The following SEMA4D variants were observed in gnomAD, a reference collection of about 807,000 sequenced individuals.
The protein encoded by SEMA4D is semaphorin-4D.
Under a neutral mutation model 74.8 loss-of-function variants are expected in SEMA4D, and 22 were observed. The ratio of observed to expected loss-of-function variants is 0.29; its 90% CI spans 0.21 to 0.42. SEMA4D has a LOEUF of 0.42. Among genes scored for constraint, SEMA4D ranks in the 10% least tolerant of loss-of-function variants. The pLI is 1.00. For synonymous variants in SEMA4D, 445 were observed against 463.7 expected (o/e 0.96, Z 0.52); for missense variants, 937 against 1,118.4 (o/e 0.84, Z 2.31).
At chr9:89,409,320 A>G (rs1416740054) in intron 2 of SEMA4D, among the ~76,000 whole-genome samples, 1 of 152,136 alleles carries the variant, frequency 6.6e-6, no homozygotes, top group East Asian at 1.9e-4. Flanking sequence ...CAGGGATACT[A>G]CCACGGTGGA....
chr9:89,474,277 G>A (rs145201610), intron 1 of SEMA4D, among the ~76,000 whole-genome samples: 4 of 152,292 alleles, frequency 2.6e-5, no homozygotes, highest in Non-Finnish European at 4.4e-5. Flanking sequence ...CCTGTGCATC[G>A]CAAGCATTTT....
intron 3 of SEMA4D, among the ~76,000 whole-genome samples, chr9:89,403,259 C>G (rs1468461693): frequency 6.6e-6 from 1 of 152,212 alleles, no homozygotes; most frequent in African/African-American, 2.4e-5. Flanking sequence ...CCCTAGAGCT[C>G]AAGCCCGGAG....
chr9:89,452,022 G>C (rs7853191), intron 2 of SEMA4D, among the ~76,000 whole-genome samples: 146,320 of 152,142 alleles, frequency 0.96, 70,576 homozygotes, highest in Non-Finnish European at 1. Context: ...CAGTACCACC[G>C]ACACAGCCAC....
chr9:89,496,448 C>A (rs1343009915), intron 1 of SEMA4D, among the ~76,000 whole-genome samples: 1 of 152,164 alleles, frequency 6.6e-6, no homozygotes, highest in Non-Finnish European at 1.5e-5. Flanking sequence ...TGATGTGTTT[C>A]TATTTCTTTG....
intron 2 of SEMA4D, among the ~76,000 whole-genome samples, chr9:89,445,783 C>T (rs1852672257): frequency 6.6e-6 from 1 of 152,106 alleles, no homozygotes; most frequent in African/African-American, 2.4e-5. Context: ...TTGGGTGAGG[C>T]CAACTCACTC....
At chr9:89,445,767 G>A (rs1372204475) in intron 2 of SEMA4D, among the ~76,000 whole-genome samples, 5 of 152,106 alleles carry the variant, frequency 3.3e-5, no homozygotes, top group African/African-American at 1.2e-4. Flanking sequence ...TAAGGCCTTC[G>A]ACAGATTGGG....
At chr9:89,370,838 GGTGTGTCGGGC>G (rs1834500426) in intron 16 of SEMA4D, among the ~76,000 whole-genome samples, 1 of 145,278 alleles carries the variant, frequency 6.9e-6, no homozygotes, top group East Asian at 2.1e-4. Flanking sequence ...TCTGGGGTGC[GGTGTGTCGGGC>G]GTGTGTGTGT....
intron 16 of SEMA4D, among the ~76,000 whole-genome samples, chr9:89,371,393 TGTG>T (rs1231154819): frequency 3.3e-5 from 3 of 90,080 alleles, no homozygotes; most frequent in Non-Finnish European, 6.5e-5. Context: ...GTGTCTGGGG[TGTG>T]GTGTGTGTCT....
rs111818272 is a variant in SEMA4D, at chr9:89,484,988, T to TTGTGTGTG, written c.-310+12923_-310+12930dup. Among the ~76,000 whole-genome samples the TTGTGTGTG allele has an allele frequency of 4.5e-4, 68 of 149,820 alleles. No homozygotes were observed. Among genetic ancestry groups the TTGTGTGTG allele is most frequent in the African/African-American group, 1.5e-3 (63 of 40,718 alleles). ...GGTGGAGGCATATGTGTGTAGTATGTTGTGTGTGTGTGTGTGTGTGTGTTC... is the reference window on the plus strand; with the variant it reads ...GGTGGAGGCATATGTGTGTAGTATGTTGTGTGTGTGTGTGTGTGTGTGTGTGTGTGTTC... On this transcript the variant is annotated intron_variant, in intron 1 of 15. Coordinates refer to ENST00000422704, the MANE Select transcript of SEMA4D (RefSeq NM_001371194.2). This position sits in a 1 kb window ranked among gnomAD's most constrained non-coding sequence, Gnocchi z 4.1.
rs568263502 is a variant in SEMA4D at position 89,402,178 on chromosome 9, T to A, written c.252+693A>T. ...CAGTGAGCTACAATCAAATTTTAAA[T>A]TCGGTTTGATTTTTTAAAATGTTTA... On this transcript the variant is annotated intron_variant, in intron 4 of 15. Transcript: ENST00000422704. Among the ~76,000 whole-genome samples, 13 of 152,314 alleles carry A rather than the reference T, an allele frequency of 8.5e-5. No homozygotes were observed. In the East Asian group the frequency reaches 1.3e-3, roughly 16 times the overall value.
intron 2 of SEMA4D, chr9:89,450,728 TTAG>T (rs1480489961): frequency 1.5e-6 from 2 of 1,357,750 alleles, no homozygotes; most frequent in Non-Finnish European, 1.0e-6. Flanking sequence ...TGGGGAAACA[TTAG>T]AAGAAAATGA....
chr9:89,449,430 A>G, intron 2 of SEMA4D: 1 of 581,558 alleles, frequency 1.7e-6, no homozygotes, highest in South Asian at 1.8e-5. Flanking sequence ...ACGCTAAAAG[A>G]CTAAGTTCGC....
At chr9:89,413,995 G>A (rs28379854) in intron 2 of SEMA4D, among the ~76,000 whole-genome samples, 25,817 of 152,172 alleles carry the variant, frequency 0.17, 2,892 homozygotes, top group African/African-American at 0.29. Context: ...AGTGACTGCT[G>A]GCAAGTGTCC....
At chr9:89,372,702 G>A (rs1005568674), downstream of SEMA4D, among the ~76,000 whole-genome samples, 16 of 152,102 alleles carry the variant, frequency 1.1e-4, no homozygotes, top group South Asian at 2.1e-4. Flanking sequence ...CCCAGGGCAC[G>A]GGCCCCAAGG....
intron 1 of SEMA4D, among the ~76,000 whole-genome samples, chr9:89,465,414 C>T (rs1418735616): frequency 6.6e-6 from 1 of 152,120 alleles, no homozygotes; most frequent in Non-Finnish European, 1.5e-5. Flanking sequence ...GTGTCACAAT[C>T]CCTTCAGAGG....
downstream of SEMA4D, among the ~76,000 whole-genome samples, chr9:89,375,669 G>T (rs896790429): frequency 8.5e-5 from 13 of 152,180 alleles, no homozygotes; most frequent in Non-Finnish European, 1.8e-4. Context: ...TGTATCTACT[G>T]ATCAGTCAGA....
At chr9:89,447,669 C>T (rs1853273464) in intron 2 of SEMA4D, among the ~76,000 whole-genome samples, 1 of 152,138 alleles carries the variant, frequency 6.6e-6, no homozygotes, top group Non-Finnish European at 1.5e-5. Flanking sequence ...CCGACACCCC[C>T]ACAATGGCCC....
At chr9:89,389,159 T>C in intron 9 of SEMA4D, 112 bp from the exon 10 acceptor site, 4 of 1,097,880 alleles carry the variant, frequency 3.6e-6, no homozygotes, top group Non-Finnish European at 5.3e-6. Context: ...TGTGCCTGAC[T>C]GAAACAAAGC....
Position 89,363,816 on chromosome 9 carries a change from C to T in SEMA4D, c.2017G>A (p.Ala673Thr), listed in dbSNP as rs147231520. ...GAGAGGACAGAGCAGCGATACTCAG[C>T]GCTTTCCCTGATGGCGTCCTGCAGC... is the stretch of plus-strand genomic sequence containing the variant. The change falls in exon 17 of 19, where the codon GCT becomes ACT. Residue 673 changes from alanine to threonine, a missense_variant. Coordinates refer to the SEMA4D transcript ENST00000339861. 214 of 1,614,086 alleles carry T rather than the reference C, an allele frequency of 1.3e-4. No individual in the cohort carries two copies. The African/African-American group carries it at 2.2e-3, about 17-fold the overall frequency.
Sources: allele counts gnomAD v4.1 joint callset (sites outside exome capture counted in the v4.1 genomes callset), GRCh38; gene constraint gnomAD v4.1.1; non-coding constraint Gnocchi (gnomAD v3.1); transcripts MANE v1.5; gene names NCBI Gene and HGNC (gene_info 2026-07-23, HGNC 2026-07-21).